The following BACH2 variants were observed in gnomAD, a reference collection of about 807,000 sequenced individuals.
The protein encoded by BACH2 is BACH transcriptional regulator 2.
BACH2 carries 5 observed loss-of-function variants against 61.8 expected under a neutral mutation model. The ratio of observed to expected loss-of-function variants is 0.08; its 90% CI spans 0.04 to 0.17. The LOEUF (loss-of-function observed/expected upper bound fraction) is 0.17. Ranked by LOEUF, BACH2 falls within the 10% of genes least tolerant of loss-of-function variation. The pLI is 1.00. For synonymous variants in BACH2, 446 were observed against 440.1 expected, an observed-to-expected ratio of 1.01 and a Z score of -0.17; for missense variants, 824 against 1,091.1, an observed-to-expected ratio of 0.76 and a Z score of 3.45.
chr6:90,292,876 C>T (rs1335595645), intron 1 of BACH2, among the ~76,000 whole-genome samples: 1 of 152,182 alleles, frequency 6.6e-6, no homozygotes, highest in Non-Finnish European at 1.5e-5. Context: ...TCAGCTTCCC[C>T]TGGAAAAATC....
At position 90,180,061 on chromosome 6, in the gene BACH2, TA is replaced by T. The variant is rs200619855; in HGVS notation, c.-162+26507del. Among the ~76,000 whole-genome samples the T allele has an allele frequency of 5.4e-3, 828 of 152,130 alleles. 5 individuals carry two copies. Among genetic ancestry groups the T allele is most frequent in the Middle Eastern group, 0.02 (6 of 294 alleles). On this transcript the variant is annotated intron_variant, in intron 4 of 8. Coordinates refer to ENST00000257749, the MANE Select transcript of BACH2 (RefSeq NM_021813.4). ...ACAGTTTTCTGAGAAGAGCAAAACA[TA>T]AAAAAAGAATGTTTAACAGGGAATT...
intron 3 of BACH2, among the ~76,000 whole-genome samples, chr6:90,207,577 T>C (rs1769193489): frequency 6.6e-6 from 1 of 152,208 alleles, no homozygotes; most frequent in Non-Finnish European, 1.5e-5. Context: ...GTGTTATTTT[T>C]TTAAGTTGCA....
chr6:90,021,360 C>CA (rs1174371972), intron 5 of BACH2, among the ~76,000 whole-genome samples: 3 of 145,234 alleles, frequency 2.1e-5, no homozygotes, highest in Non-Finnish European at 3.0e-5. Context: ...CTGCAATTCA[C>CA]AAAAAAGTAG....
intron 2 of BACH2, among the ~76,000 whole-genome samples, chr6:90,270,168 T>C (rs537906036): frequency 6.6e-6 from 1 of 152,330 alleles, no homozygotes; most frequent in South Asian, 2.1e-4. Context: ...TTTTTGAAAT[T>C]GCGAATTGTG....
chr6:90,110,645 T>C (rs925258859), intron 4 of BACH2, among the ~76,000 whole-genome samples: 1 of 152,242 alleles, frequency 6.6e-6, no homozygotes, highest in East Asian at 1.9e-4. Context: ...CAACAAATAC[T>C]GTCAGTTGTT....
At chr6:90,058,795 A>T (rs1780516773) in intron 5 of BACH2, among the ~76,000 whole-genome samples, 1 of 152,246 alleles carries the variant, frequency 6.6e-6, no homozygotes, top group African/African-American at 2.4e-5. Flanking sequence ...AATGGAACAG[A>T]ACAGAGTCCT....
intron 4 of BACH2, among the ~76,000 whole-genome samples, chr6:90,121,782 G>A (rs758461057): frequency 6.6e-6 from 1 of 152,134 alleles, no homozygotes; most frequent in Non-Finnish European, 1.5e-5. Flanking sequence ...CTGACCTCAG[G>A]TAATTCGCCC....
chr6:89,942,632 A>C (rs1478360531), intron 7 of BACH2, among the ~76,000 whole-genome samples: 1 of 152,118 alleles, frequency 6.6e-6, no homozygotes, highest in Non-Finnish European at 1.5e-5. Flanking sequence ...AGCCACCCAC[A>C]CACAGCTCCG....
At chr6:90,179,962 AC>A (rs1275167771) in intron 4 of BACH2, among the ~76,000 whole-genome samples, 1 of 152,052 alleles carries the variant, frequency 6.6e-6, no homozygotes, top group Non-Finnish European at 1.5e-5. Flanking sequence ...TCTAATAGTT[AC>A]CCCACTGGAA....
intron 1 of BACH2, among the ~76,000 whole-genome samples, chr6:90,295,872 G>C (rs1582577957): frequency 2.0e-5 from 3 of 152,234 alleles, no homozygotes; most frequent in Admixed American, 6.5e-5. Context: ...CTAAACTTGG[G>C]CTTTGATTCC....
At chr6:90,162,077 C>A (rs920680244) in intron 4 of BACH2, among the ~76,000 whole-genome samples, 9 of 152,134 alleles carry the variant, frequency 5.9e-5, no homozygotes, top group African/African-American at 1.9e-4. Context: ...AGACTCCACC[C>A]CAGAGCTTCT....
At chr6:90,003,082 C>T (rs2127778772) in intron 6 of BACH2, among the ~76,000 whole-genome samples, 1 of 152,354 alleles carries the variant, frequency 6.6e-6, no homozygotes, top group South Asian at 2.1e-4. Context: ...TGTGTCTTTT[C>T]CCTGCTTCTG....
Position 89,926,960 on chromosome 6 carries a change from A to ATG in BACH2, c.*5446_*5447dup, listed in dbSNP as rs995002973. On this transcript the variant is annotated 3_prime_UTR_variant, in exon 9 of 9. Transcript: ENST00000257749. Reference sequence around the variant, plus strand: ...GGTACAGAGGGTTATACAGGTAGATATGTGTGAAAACTGTCCGTATTGTTC... The same window carrying ATG: ...GGTACAGAGGGTTATACAGGTAGATATGTGTGTGAAAACTGTCCGTATTGTTC... 6.5e-5 allele frequency: 10 copies of ATG among 152,806 alleles called. No homozygotes were observed. The highest frequency in any genetic ancestry group is 2.2e-4 in the African/African-American group (9 of 41,462). The allele number at this position is 152,806 out of a possible 1,614,324, so 9.5% of individuals were successfully genotyped here. A position where few individuals can be genotyped will look rare whatever the true frequency, so the allele number is the denominator to read the frequency against.
In BACH2 at chr6:90,054,339, G is replaced by T. The variant is rs1042181060; in HGVS notation, c.-13+34622C>A. Among the ~76,000 whole-genome samples, 3 of 152,316 alleles carry T rather than the reference G, an allele frequency of 2.0e-5. No homozygotes were observed. In the East Asian group the frequency reaches 5.8e-4, roughly 30 times the overall value. On this transcript the variant is annotated intron_variant, in intron 5 of 8. Coordinates refer to ENST00000257749, the MANE Select transcript of BACH2 (RefSeq NM_021813.4). ...ATTATATCCCGCACGTGGCTCAGAG[G>T]GTCCTACGCCCATGGAGTCTCACTC...
intron 5 of BACH2, among the ~76,000 whole-genome samples, chr6:90,076,283 T>C (rs940209264): frequency 6.6e-6 from 1 of 152,162 alleles, no homozygotes; most frequent in African/African-American, 2.4e-5. Flanking sequence ...ATAATGCATG[T>C]CAGATTCTCA....
intron 3 of BACH2, among the ~76,000 whole-genome samples, chr6:90,245,808 C>T (rs1442400160): frequency 6.6e-6 from 1 of 152,138 alleles, no homozygotes; most frequent in East Asian, 1.9e-4. Context: ...AAAGATTTTT[C>T]ATATTTGGAT....
intron 3 of BACH2, among the ~76,000 whole-genome samples, chr6:90,230,120 C>G (rs1306785031): frequency 1.3e-5 from 2 of 152,190 alleles, no homozygotes; most frequent in Non-Finnish European, 2.9e-5. Flanking sequence ...AGGAGAACCA[C>G]AGGCAGAGAG....
At chr6:90,118,338 C>T (rs983466311) in intron 4 of BACH2, among the ~76,000 whole-genome samples, 1 of 152,130 alleles carries the variant, frequency 6.6e-6, no homozygotes, top group African/African-American at 2.4e-5. Context: ...GATCTTGATA[C>T]TCCACAAGTA....
At position 90,040,190 on chromosome 6, in the gene BACH2, T is replaced by C. The variant is rs117980071; in HGVS notation, c.-12-31334A>G. The stretch of plus-strand genomic sequence containing the variant: ...TAAACAATTTTCTCCTGAATCCTTT[T>C]AGAACTTTTACGGTTAAATTTTTTT... On this transcript the variant is annotated intron_variant, in intron 5 of 8. Transcript: ENST00000257749. 9.4e-3 allele frequency among the ~76,000 whole-genome samples: 1,430 copies of C among 152,268 alleles called. 13 individuals are homozygous for C. Among genetic ancestry groups the C allele is most frequent in the Non-Finnish European group, 0.014 (972 of 67,998 alleles).
Sources: allele counts gnomAD v4.1 joint callset (sites outside exome capture counted in the v4.1 genomes callset), GRCh38; gene constraint gnomAD v4.1.1; transcripts MANE v1.5; gene names NCBI Gene and HGNC (gene_info 2026-07-23, HGNC 2026-07-21).